Variants in ZFAND3 observed in about 807,000 individuals in gnomAD.
ZFAND3 encodes the protein AN1-type zinc finger protein 3.
A neutral mutation model predicts 29.6 loss-of-function variants in ZFAND3; 10 were observed. The ratio of observed to expected loss-of-function variants is 0.34; its 90% CI spans 0.21 to 0.57. The LOEUF is 0.57. ZFAND3 is among the 20% of genes least tolerant of loss of function. ZFAND3 has a pLI of 0.86. For missense variants in ZFAND3, 230 were observed against 304.5 expected (o/e 0.76, Z 1.82); for synonymous variants, 128 against 112.6 (o/e 1.14, Z -0.87).
rs528584181 is a variant in ZFAND3, at chr6:37,898,986, C to G, written c.72-30973C>G. 6.6e-5 allele frequency among the ~76,000 whole-genome samples: 10 copies of G among 152,302 alleles called. No homozygotes were observed. In the East Asian group the frequency reaches 1.7e-3, roughly 26 times the overall value. On this transcript the variant is annotated intron_variant, in intron 1 of 5. Coordinates refer to ENST00000287218, the MANE Select transcript of ZFAND3 (RefSeq NM_021943.3). ...TCTCGGCTCGCTGCAAGCTCTGCCT[C>G]CCGGGTTCACGCCATTCTCCTACCT... is the stretch of plus-strand genomic sequence containing the variant.
chr6:38,072,116 T>C (rs1042983610), intron 3 of ZFAND3, among the ~76,000 whole-genome samples: 1 of 147,272 alleles, frequency 6.8e-6, no homozygotes, highest in Non-Finnish European at 1.5e-5. Context: ...ACTTTTGGAA[T>C]AATGAGAGTC....
At chr6:37,820,583 A>G (rs918994493) in intron 1 of ZFAND3, among the ~76,000 whole-genome samples, 5 of 152,328 alleles carry the variant, frequency 3.3e-5, no homozygotes, top group East Asian at 1.9e-4. Context: ...GGCTGGGGTA[A>G]AGTTATAAGA....
chr6:38,138,561 C>T (rs758515077), intron 5 of ZFAND3, among the ~76,000 whole-genome samples: 3 of 152,238 alleles, frequency 2.0e-5, no homozygotes, highest in Non-Finnish European at 4.4e-5. Context: ...GCCCTGCTGG[C>T]TGCCTTTCTC....
intron 1 of ZFAND3, among the ~76,000 whole-genome samples, chr6:37,849,969 C>T (rs908667658): frequency 2.6e-5 from 4 of 152,152 alleles, no homozygotes; most frequent in Non-Finnish European, 5.9e-5. Flanking sequence ...TTCTGTCTAT[C>T]CTTGCTGCTG....
intron 2 of ZFAND3, among the ~76,000 whole-genome samples, chr6:37,971,855 G>A (rs1762393535): frequency 7.0e-6 from 1 of 143,470 alleles, no homozygotes. Flanking sequence ...AAAAAAATTA[G>A]CCCAGTATGG....
chr6:37,917,063 TTC>T (rs1388005400), intron 1 of ZFAND3, among the ~76,000 whole-genome samples: 1 of 152,214 alleles, frequency 6.6e-6, no homozygotes, highest in Non-Finnish European at 1.5e-5. Flanking sequence ...GTTAAAATTG[TTC>T]TGTTAATTAT....
intron 1 of ZFAND3, among the ~76,000 whole-genome samples, chr6:37,859,447 A>T (rs966242569): frequency 2.0e-5 from 3 of 152,180 alleles, no homozygotes; most frequent in African/African-American, 7.2e-5. Context: ...TGTAGCTATG[A>T]TTGTCTGTAG....
chr6:38,124,868 C>T (rs1206161089), intron 5 of ZFAND3, among the ~76,000 whole-genome samples: 8 of 151,932 alleles, frequency 5.3e-5, no homozygotes, highest in East Asian at 1.9e-4. Context: ...GCTGCCAGCA[C>T]GCTGTCACCT....
intron 1 of ZFAND3, among the ~76,000 whole-genome samples, chr6:37,844,005 C>T (rs2127375558): frequency 2.0e-5 from 3 of 152,004 alleles, no homozygotes; most frequent in Admixed American, 2.0e-4. Context: ...GTCACCTCCA[C>T]CCCTTGGGCT....
intron 5 of ZFAND3, among the ~76,000 whole-genome samples, chr6:38,146,983 T>C (rs1387987698): frequency 6.6e-6 from 1 of 152,206 alleles, no homozygotes; most frequent in Non-Finnish European, 1.5e-5. Flanking sequence ...TTCTGTTACA[T>C]GTATATAATG....
chr6:38,152,220 C>T lies in ZFAND3; in HGVS notation c.530-15C>T, dbSNP rs1186105672. 6.7e-7 allele frequency: 1 copy of T among 1,495,374 alleles called. No individual in the cohort carries two copies. Among genetic ancestry groups the T allele is most frequent in the South Asian group, 1.4e-5 (1 of 72,674 alleles). The allele number at this position is 1,495,374 out of a possible 1,614,324, so 92.6% of individuals were successfully genotyped here. ...CCCTAACACACTCTTTCCTCTGCTT[C>T]TCCCGCTGCTGCAGGTTATGTGTTC... On this transcript the variant is annotated splice_polypyrimidine_tract_variant and intron_variant, in intron 5 of 5. Coordinates refer to ENST00000287218, the MANE Select transcript of ZFAND3 (RefSeq NM_021943.3).
intron 4 of ZFAND3, among the ~76,000 whole-genome samples, chr6:38,093,663 G>C (rs1052207086): frequency 6.6e-6 from 1 of 152,134 alleles, no homozygotes; most frequent in Non-Finnish European, 1.5e-5. Context: ...GAAAGCTATG[G>C]CCATGGCTAG....
intron 1 of ZFAND3, among the ~76,000 whole-genome samples, chr6:37,916,872 C>T (rs769574350): frequency 6.6e-6 from 1 of 152,270 alleles, no homozygotes; most frequent in South Asian, 2.1e-4. Context: ...GCCCTGGTGG[C>T]GAATCATCCC....
At chr6:38,127,444 C>A (rs572760531) in intron 5 of ZFAND3, among the ~76,000 whole-genome samples, 1 of 152,152 alleles carries the variant, frequency 6.6e-6, no homozygotes, top group Non-Finnish European at 1.5e-5. Flanking sequence ...TCATATGTCA[C>A]GCGTGTGTCT....
At chr6:38,010,485 T>C (rs987750320) in intron 2 of ZFAND3, among the ~76,000 whole-genome samples, 1 of 152,162 alleles carries the variant, frequency 6.6e-6, no homozygotes, top group Non-Finnish European at 1.5e-5. Context: ...TTAATTCAGG[T>C]TTGGTGATAT....
intron 5 of ZFAND3, among the ~76,000 whole-genome samples, chr6:38,120,546 G>C (rs1765514308): frequency 6.6e-6 from 1 of 151,800 alleles, no homozygotes; most frequent in African/African-American, 2.4e-5. Context: ...GGCTGGTCTT[G>C]AACTCCTGAG....
intron 2 of ZFAND3, among the ~76,000 whole-genome samples, chr6:37,986,354 G>A (rs1288339671): frequency 6.6e-6 from 1 of 152,086 alleles, no homozygotes; most frequent in Non-Finnish European, 1.5e-5. Flanking sequence ...GAGCTCTCAT[G>A]GGATTCACCA....
At chr6:37,879,428 C>CA (rs1347557061) in intron 1 of ZFAND3, among the ~76,000 whole-genome samples, 1 of 151,756 alleles carries the variant, frequency 6.6e-6, no homozygotes, top group Non-Finnish European at 1.5e-5. Context: ...TGCATGGAAC[C>CA]ATCTTTATTA....
chr6:38,063,218 G>GC (rs1764276928), intron 3 of ZFAND3, among the ~76,000 whole-genome samples: 2 of 152,184 alleles, frequency 1.3e-5, no homozygotes, highest in Non-Finnish European at 2.9e-5. Context: ...ATCTAAATCT[G>GC]TCATAAACTG....
Sources: allele counts gnomAD v4.1 joint callset (sites outside exome capture counted in the v4.1 genomes callset), GRCh38; gene constraint gnomAD v4.1.1; transcripts MANE v1.5; gene names NCBI Gene and HGNC (gene_info 2026-07-23, HGNC 2026-07-21).